The following PACRG variants were observed in gnomAD, a reference collection of about 807,000 sequenced individuals.
The protein encoded by PACRG is parkin coregulated gene protein.
Under a neutral mutation model 29.7 loss-of-function variants are expected in PACRG, and 29 were observed. The observed-to-expected ratio is 0.98, with a 90% CI of 0.73 to 1.33. The LOEUF is 1.33. Among genes scored for constraint, PACRG ranks in the 40% most tolerant of loss-of-function variants. The pLI, the probability that PACRG is intolerant of heterozygous loss-of-function variation, is 0.00. For missense variants in PACRG, 279 were observed against 316.2 expected (o/e 0.88, Z 0.89); for synonymous variants, 116 against 118.7 (o/e 0.98, Z 0.15).
At chr6:162,935,178 G>A (rs569175023) in intron 2 of PACRG, among the ~76,000 whole-genome samples, 1 of 152,146 alleles carries the variant, frequency 6.6e-6, no homozygotes, top group South Asian at 2.1e-4. Context: ...ACCGTTTTGG[G>A]TTGAATCTAT....
intron 4 of PACRG, among the ~76,000 whole-genome samples, chr6:163,254,580 C>G (rs764856827): frequency 7.9e-5 from 12 of 152,194 alleles, no homozygotes; most frequent in Non-Finnish European, 1.3e-4. Context: ...ATGTAGTTTG[C>G]TCTCCCCTTT....
At chr6:162,996,084 A>G (rs1041956271) in intron 2 of PACRG, among the ~76,000 whole-genome samples, 1 of 152,192 alleles carries the variant, frequency 6.6e-6, no homozygotes, top group Non-Finnish European at 1.5e-5. Context: ...TCATATTTGT[A>G]TACTTGTAAT....
At chr6:163,183,485 C>T (rs1283248801) in intron 4 of PACRG, 4 of 152,048 alleles carry the variant, frequency 2.6e-5, no homozygotes, top group Admixed American at 6.6e-5. Context: ...GTTTTAGGAA[C>T]TCACCCTGTG....
chr6:163,042,826 G>C (rs1585071215), intron 2 of PACRG: 1 of 152,118 alleles, frequency 6.6e-6, no homozygotes, highest in Non-Finnish European at 1.5e-5. Flanking sequence ...TCAAGGTTTA[G>C]TTGATAAATG....
chr6:162,999,593 T>C (rs1804398738), intron 2 of PACRG, among the ~76,000 whole-genome samples: 1 of 152,228 alleles, frequency 6.6e-6, no homozygotes, highest in East Asian at 1.9e-4. Flanking sequence ...TGGCCTTCTA[T>C]GTATTTCCTT....
chr6:162,863,567 C>A (rs1375575975), intron 2 of PACRG, among the ~76,000 whole-genome samples: 1 of 152,212 alleles, frequency 6.6e-6, no homozygotes. Context: ...TACCACTGAG[C>A]AGTGGAGTAA....
chr6:162,989,593 C>A (rs1310173421), intron 2 of PACRG, among the ~76,000 whole-genome samples: 1 of 151,896 alleles, frequency 6.6e-6, no homozygotes, highest in African/African-American at 2.4e-5. Flanking sequence ...GAAATCATAA[C>A]CAAAAAAATG....
chr6:163,221,627 A>T (rs56195146), intron 4 of PACRG, among the ~76,000 whole-genome samples: 47 of 152,374 alleles, frequency 3.1e-4, no homozygotes, highest in Middle Eastern at 3.4e-3. Flanking sequence ...CCACAACTTT[A>T]AATAAACAAG....
intron 4 of PACRG, among the ~76,000 whole-genome samples, chr6:163,172,496 G>A (rs2763985): frequency 0.88 from 133,315 of 152,114 alleles, 58,489 homozygotes; most frequent in African/African-American, 0.9. Context: ...ACACACACAC[G>A]CATGCATGCA....
chr6:163,074,079 CAAAA>C (rs1247958220), intron 3 of PACRG, among the ~76,000 whole-genome samples: 1 of 152,084 alleles, frequency 6.6e-6, no homozygotes, highest in African/African-American at 2.4e-5. Context: ...GGTATATACT[CAAAA>C]GAAAGGAAAT....
At chr6:163,208,841 G>T (rs189845024) in intron 4 of PACRG, among the ~76,000 whole-genome samples, 1 of 152,066 alleles carries the variant, frequency 6.6e-6, no homozygotes, top group Non-Finnish European at 1.5e-5. Context: ...ACAAAGTACC[G>T]GTCTACAAAA....
intron 4 of PACRG, among the ~76,000 whole-genome samples, chr6:163,297,311 G>T: frequency 6.6e-6 from 1 of 152,344 alleles, no homozygotes; most frequent in Middle Eastern, 3.4e-3. Context: ...TGGAGGTCAC[G>T]GTTCAGGTTG....
chr6:163,299,619 G>A (rs1028225324), intron 4 of PACRG, among the ~76,000 whole-genome samples: 11 of 152,350 alleles, frequency 7.2e-5, no homozygotes, highest in Non-Finnish European at 1.6e-4. Context: ...CGGTGCTCGT[G>A]CCTGTAATCC....
chr6:162,809,430 A>G lies in PACRG; in HGVS notation c.157-4717A>G, dbSNP rs532824948. On this transcript the variant is annotated intron_variant, in intron 1 of 4. Transcript: ENST00000366888. ...GATTATTTTGTAAAGTTCTCTTCTA[A>G]ATAAAGGCTTTCCATGGAAGTGCAG... Among the ~76,000 whole-genome samples the G allele has an allele frequency of 1.8e-4, 28 of 152,344 alleles. No individual in the cohort carries two copies. In the East Asian group the frequency reaches 5.2e-3, roughly 28 times the overall value.
At chr6:163,202,475 G>A (rs1421409585) in intron 4 of PACRG, among the ~76,000 whole-genome samples, 1 of 152,122 alleles carries the variant, frequency 6.6e-6, no homozygotes, top group Non-Finnish European at 1.5e-5. Flanking sequence ...GCGTGTATAT[G>A]TGTGTATAAA....
chr6:162,910,664 G>A (rs1233501865), intron 2 of PACRG, among the ~76,000 whole-genome samples: 1 of 152,102 alleles, frequency 6.6e-6, no homozygotes, highest in Non-Finnish European at 1.5e-5. Context: ...AGCTCAAAAT[G>A]GCAGAAGTTT....
At chr6:162,996,279 T>C (rs1203185249) in intron 2 of PACRG, among the ~76,000 whole-genome samples, 1 of 152,180 alleles carries the variant, frequency 6.6e-6, no homozygotes, top group Non-Finnish European at 1.5e-5. Context: ...ATATACAATG[T>C]TTATGTGTCA....
intron 2 of PACRG, among the ~76,000 whole-genome samples, chr6:163,034,885 G>A (rs1585051663): frequency 6.6e-6 from 1 of 152,178 alleles, no homozygotes; most frequent in Non-Finnish European, 1.5e-5. Context: ...GAAAGTAAAG[G>A]AATAAAGAAT....
In PACRG at chr6:162,861,626, T is replaced by C. The variant is rs11965785; in HGVS notation, c.291+47345T>C. On this transcript the variant is annotated intron_variant, in intron 2 of 4. Transcript: ENST00000366888. ...CACCACAGAGGGAACGTGGAAGCTCTAAGCAAAACCCACCTCCCTCTGCCT... is the reference window on the plus strand; with the variant it reads ...CACCACAGAGGGAACGTGGAAGCTCCAAGCAAAACCCACCTCCCTCTGCCT... Among the ~76,000 whole-genome samples, 1,471 of 152,254 alleles carry C rather than the reference T, an allele frequency of 9.7e-3. 16 individuals carry two copies. Among genetic ancestry groups the C allele is most frequent in the African/African-American group, 0.034 (1,400 of 41,544 alleles).
Sources: allele counts gnomAD v4.1 joint callset (sites outside exome capture counted in the v4.1 genomes callset), GRCh38; gene constraint gnomAD v4.1.1; transcripts MANE v1.5; gene names NCBI Gene and HGNC (gene_info 2026-07-23, HGNC 2026-07-21).